The following TSHZ2 variants were observed in gnomAD, a reference collection of about 807,000 sequenced individuals.
TSHZ2 encodes the protein teashirt homolog 2.
A neutral mutation model predicts 74.4 loss-of-function variants in TSHZ2; 21 were observed. The ratio of observed to expected loss-of-function variants is 0.28; its 90% CI spans 0.20 to 0.41. The LOEUF is 0.41. Ranked by LOEUF, TSHZ2 falls within the 10% of genes least tolerant of loss-of-function variation. The pLI is 1.00. For missense variants in TSHZ2, 1,244 were observed against 1,293.5 expected (o/e 0.96, Z 0.59); for synonymous variants, 540 against 515.3 (o/e 1.05, Z -0.65).
intron 2 of TSHZ2, among the ~76,000 whole-genome samples, chr20:53,325,691 T>G (rs1979460448): frequency 6.6e-6 from 1 of 152,148 alleles, no homozygotes; most frequent in African/African-American, 2.4e-5. Flanking sequence ...TTTGTTTGTT[T>G]GTTTTTAACT....
At position 53,187,149 on chromosome 20, in the gene TSHZ2, G is replaced by A. The variant is rs573863869; in HGVS notation, c.41-66350G>A. On this transcript the variant is annotated intron_variant, in intron 1 of 2. Coordinates refer to ENST00000371497, the MANE Select transcript of TSHZ2 (RefSeq NM_173485.6). Reference sequence around the variant, plus strand: ...GATAATGATTTGACACTCGCCGCACGTCTGGGGGCTACACATCGCTGGTGA... The same window carrying A: ...GATAATGATTTGACACTCGCCGCACATCTGGGGGCTACACATCGCTGGTGA... 3.9e-5 allele frequency among the ~76,000 whole-genome samples: 6 copies of A among 152,238 alleles called. No homozygotes were observed. The East Asian group carries it at 9.7e-4, about 24-fold the overall frequency.
At position 53,494,944 on chromosome 20, in the gene TSHZ2, T is replaced by G. The variant is rs1986545633; in HGVS notation, c.*7809T>G. The G allele has an allele frequency of 1.3e-5, 2 of 152,160 alleles. No individual in the cohort carries two copies. The highest frequency in any genetic ancestry group is 4.8e-5 in the African/African-American group (2 of 41,432). 9.4% of individuals were successfully genotyped at this position (152,160 alleles called of 1,614,324 possible). A position where few individuals can be genotyped will look rare whatever the true frequency, so the allele number is the denominator to read the frequency against. On this transcript the variant is annotated 3_prime_UTR_variant, in exon 3 of 3. Transcript: ENST00000371497. ...CATCAGGAAACCCAACTGCTGACAT[T>G]GAGGACCTGGGTGTGTTCAATTATG...
At chr20:53,037,430 C>A (rs6013612) in intron 1 of TSHZ2, among the ~76,000 whole-genome samples, 2 of 152,058 alleles carry the variant, frequency 1.3e-5, no homozygotes, top group East Asian at 1.9e-4. Context: ...AGACATGGAC[C>A]TAAGACTCCA....
chr20:53,047,203 C>T (rs1984259933), intron 1 of TSHZ2, among the ~76,000 whole-genome samples: 1 of 152,192 alleles, frequency 6.6e-6, no homozygotes, highest in Non-Finnish European at 1.5e-5. Context: ...CAGACTCTAA[C>T]TCTTCATATC....
chr20:53,284,891 C>T (rs1345465634), intron 2 of TSHZ2, among the ~76,000 whole-genome samples: 1 of 152,164 alleles, frequency 6.6e-6, no homozygotes, highest in Non-Finnish European at 1.5e-5. Flanking sequence ...TCATCTGGGG[C>T]CCTTACTCTT....
chr20:53,114,294 T>A (rs895905370), intron 1 of TSHZ2, among the ~76,000 whole-genome samples: 4 of 152,154 alleles, frequency 2.6e-5, no homozygotes, highest in African/African-American at 9.7e-5. Flanking sequence ...CAATCTCAGA[T>A]GAGTGCTCAG....
chr20:53,033,968 C>T (rs75665513), intron 1 of TSHZ2, among the ~76,000 whole-genome samples: 7 of 152,038 alleles, frequency 4.6e-5, no homozygotes, highest in African/African-American at 1.7e-4. Flanking sequence ...CCAAAAGCCA[C>T]TTTTTAAATA....
chr20:52,977,612 T>G (rs1459501213), intron 1 of TSHZ2, among the ~76,000 whole-genome samples: 1 of 152,146 alleles, frequency 6.6e-6, no homozygotes, highest in African/African-American at 2.4e-5. Context: ...GGAAATTGAT[T>G]GCTTAAGTGG....
intron 2 of TSHZ2, among the ~76,000 whole-genome samples, chr20:53,465,065 CA>C (rs2145822659): frequency 6.6e-6 from 1 of 152,284 alleles, no homozygotes; most frequent in East Asian, 1.9e-4. Context: ...CAGGGGAGCC[CA>C]GTGAGGCCAG....
intron 1 of TSHZ2, among the ~76,000 whole-genome samples, chr20:53,102,307 A>C (rs535280307): frequency 7.2e-5 from 11 of 152,282 alleles, no homozygotes; most frequent in African/African-American, 2.6e-4. Context: ...CTGTGTCTAC[A>C]CAGTGCTAGA....
chr20:53,310,698 G>A (rs1978744304), intron 2 of TSHZ2, among the ~76,000 whole-genome samples: 1 of 152,052 alleles, frequency 6.6e-6, no homozygotes, highest in Non-Finnish European at 1.5e-5. Flanking sequence ...ACTCCTAGAG[G>A]CCATCTAGTA....
chr20:53,314,343 T>C (rs1456652625), intron 2 of TSHZ2, among the ~76,000 whole-genome samples: 2 of 151,818 alleles, frequency 1.3e-5, no homozygotes, highest in Non-Finnish European at 2.9e-5. Context: ...TCTATTGCTG[T>C]GTAACTAATC....
chr20:53,461,215 C>T (rs377664450), intron 2 of TSHZ2, among the ~76,000 whole-genome samples: 8 of 150,582 alleles, frequency 5.3e-5, no homozygotes, highest in Middle Eastern at 3.4e-3. Flanking sequence ...TAGGACCCTC[C>T]GAGCCAGGTG....
chr20:53,009,992 T>C (rs535160661), intron 1 of TSHZ2, among the ~76,000 whole-genome samples: 1 of 152,310 alleles, frequency 6.6e-6, no homozygotes, highest in East Asian at 1.9e-4. Context: ...ATAATCACTA[T>C]CATTGTCATT....
chr20:53,483,444 G>A (rs549440271), intron 2 of TSHZ2, among the ~76,000 whole-genome samples: 7 of 152,282 alleles, frequency 4.6e-5, no homozygotes, highest in African/African-American at 9.6e-5. Context: ...CCAGGAGATC[G>A]AGGCTGCAGT....
At chr20:53,159,376 G>A (rs183550070) in intron 1 of TSHZ2, among the ~76,000 whole-genome samples, 40 of 152,282 alleles carry the variant, frequency 2.6e-4, no homozygotes, top group African/African-American at 8.4e-4. Flanking sequence ...ATTTGTTGAC[G>A]TATTGTCTGT....
At chr20:53,421,592 G>A in intron 2 of TSHZ2, 1 of 203,164 alleles carries the variant, frequency 4.9e-6, no homozygotes, top group Non-Finnish European at 1.0e-5. Flanking sequence ...AGAAGCCAGG[G>A]AGAGCTTTGG....
intron 1 of TSHZ2, among the ~76,000 whole-genome samples, chr20:53,065,951 C>T (rs1179266457): frequency 6.6e-6 from 1 of 152,184 alleles, no homozygotes; most frequent in African/African-American, 2.4e-5. Flanking sequence ...GGGGGTCATA[C>T]GTGGTTCTCA....
chr20:53,142,527 A>C (rs1987428418), intron 1 of TSHZ2, among the ~76,000 whole-genome samples: 1 of 152,252 alleles, frequency 6.6e-6, no homozygotes, highest in South Asian at 2.1e-4. Context: ...ACAGGAAGGA[A>C]GATAAGGCCA....
Sources: gnomAD v4.1 joint callset for allele counts (sites outside exome capture counted in the v4.1 genomes callset) on GRCh38, gnomAD v4.1.1 for gene constraint, MANE v1.5 for transcripts, NCBI Gene and HGNC (gene_info 2026-07-23, HGNC 2026-07-21) for gene names.